The following KHDRBS2 variants were observed in gnomAD, a reference collection of about 807,000 sequenced individuals.
KHDRBS2 encodes KH domain-containing, RNA-binding, signal transduction-associated protein 2.
KHDRBS2 carries 26 observed loss-of-function variants against 44.3 expected under a neutral mutation model. The observed-to-expected ratio is 0.59, with a 90% CI of 0.43 to 0.81. KHDRBS2 has a LOEUF of 0.81. KHDRBS2 is among the 40% of genes least tolerant of loss of function. KHDRBS2 has a pLI of 0.00. For synonymous variants in KHDRBS2, 194 were observed against 151.1 expected, an observed-to-expected ratio of 1.28 and a Z score of -2.08; for missense variants, 476 against 433.1, an observed-to-expected ratio of 1.10 and a Z score of -0.88.
chr6:62,072,531 T>C (rs1048190784), intron 2 of KHDRBS2, among the ~76,000 whole-genome samples: 3 of 152,176 alleles, frequency 2.0e-5, no homozygotes, highest in African/African-American at 4.8e-5. Flanking sequence ...ACCTAATTTA[T>C]TGAGAGTTTT....
chr6:62,208,248 C>T (rs1399364709), intron 1 of KHDRBS2, among the ~76,000 whole-genome samples: 1 of 152,106 alleles, frequency 6.6e-6, no homozygotes, highest in Non-Finnish European at 1.5e-5. Flanking sequence ...CAGACAAGGT[C>T]TCCCTTTGTT....
At chr6:62,261,434 C>A (rs1321357900) in intron 1 of KHDRBS2, among the ~76,000 whole-genome samples, 4 of 151,826 alleles carry the variant, frequency 2.6e-5, no homozygotes, top group Non-Finnish European at 5.9e-5. Flanking sequence ...ATAACATGAG[C>A]CATGCATTAC....
intron 1 of KHDRBS2, among the ~76,000 whole-genome samples, chr6:62,196,684 C>G (rs1003172646): frequency 6.6e-6 from 1 of 152,106 alleles, no homozygotes; most frequent in African/African-American, 2.4e-5. Context: ...TGTTCATTCA[C>G]TAGCAATGAG....
intron 7 of KHDRBS2, among the ~76,000 whole-genome samples, chr6:61,697,610 C>G (rs754367851): frequency 6.6e-6 from 1 of 152,054 alleles, no homozygotes; most frequent in African/African-American, 2.4e-5. Flanking sequence ...TCATGTATAG[C>G]TTTTAATGCT....
intron 4 of KHDRBS2, among the ~76,000 whole-genome samples, chr6:61,932,334 A>G (rs182271268): frequency 6.6e-6 from 1 of 152,350 alleles, no homozygotes; most frequent in East Asian, 1.9e-4. Flanking sequence ...ATACATCATC[A>G]TTATAGTCAC....
At chr6:62,006,770 T>C (rs1779307910) in intron 3 of KHDRBS2, among the ~76,000 whole-genome samples, 1 of 151,908 alleles carries the variant, frequency 6.6e-6, no homozygotes, top group African/African-American at 2.4e-5. Flanking sequence ...AAATTTCCAT[T>C]AATTTAAAAG....
At chr6:62,194,501 T>C (rs1585145079) in intron 1 of KHDRBS2, among the ~76,000 whole-genome samples, 1 of 52,190 alleles carries the variant, frequency 1.9e-5, no homozygotes, top group African/African-American at 5.7e-5. Context: ...TTTTTTTTTT[T>C]TTTTTTTTTT....
chr6:61,964,030 AG>A (rs1769348582), intron 4 of KHDRBS2, among the ~76,000 whole-genome samples: 1 of 152,058 alleles, frequency 6.6e-6, no homozygotes, highest in South Asian at 2.1e-4. Context: ...GACTTTATGA[AG>A]GGTAATGTCA....
chr6:62,025,527 A>G (rs755785963), intron 3 of KHDRBS2, among the ~76,000 whole-genome samples: 3 of 151,950 alleles, frequency 2.0e-5, no homozygotes, highest in Non-Finnish European at 4.4e-5. Context: ...TATAAAGGAT[A>G]AATTTTTTTT....
chr6:61,939,875 C>A (rs1811804449), intron 4 of KHDRBS2, among the ~76,000 whole-genome samples: 1 of 152,126 alleles, frequency 6.6e-6, no homozygotes. Flanking sequence ...CAGAAGTATT[C>A]TAATACTTTT....
chr6:61,899,246 T>A (rs1303069754), intron 5 of KHDRBS2, among the ~76,000 whole-genome samples: 2 of 151,956 alleles, frequency 1.3e-5, no homozygotes, highest in African/African-American at 4.8e-5. Flanking sequence ...GTATCAGAGA[T>A]ATTTCTCTTG....
intron 6 of KHDRBS2, among the ~76,000 whole-genome samples, chr6:61,845,619 A>G (rs1294971550): frequency 1.3e-5 from 2 of 152,300 alleles, no homozygotes; most frequent in Middle Eastern, 6.8e-3. Context: ...AATGAGGGAT[A>G]CAGTTCTTCA....
intron 3 of KHDRBS2, among the ~76,000 whole-genome samples, chr6:61,996,010 A>C (rs1430631358): frequency 6.6e-6 from 1 of 152,208 alleles, no homozygotes; most frequent in Non-Finnish European, 1.5e-5. Context: ...ATCATCTAAT[A>C]ACACTGGTGA....
chr6:61,679,427 C>T (rs186597432), downstream of KHDRBS2, among the ~76,000 whole-genome samples: 1 of 151,936 alleles, frequency 6.6e-6, no homozygotes, highest in Non-Finnish European at 1.5e-5. Context: ...TTTTAACTAT[C>T]AGGAACTTAA....
At chr6:61,696,237 TTTTA>T (rs10527202) in intron 8 of KHDRBS2, among the ~76,000 whole-genome samples, 21 of 146,122 alleles carry the variant, frequency 1.4e-4, no homozygotes, top group South Asian at 8.8e-4. Flanking sequence ...CATATATGTA[TTTTA>T]TTTATTTATT....
chr6:62,018,439 C>G (rs930967548), intron 3 of KHDRBS2, among the ~76,000 whole-genome samples: 5 of 151,952 alleles, frequency 3.3e-5, no homozygotes, highest in African/African-American at 1.2e-4. Flanking sequence ...GCTCCGCCTC[C>G]CAGTTTCACG....
the KHDRBS2 span, among the ~76,000 whole-genome samples, chr6:61,590,031 G>A: frequency 1.3e-5 from 2 of 152,008 alleles, no homozygotes; most frequent in Non-Finnish European, 2.9e-5. Flanking sequence ...TATCCAAGAG[G>A]CATCTGCTGG....
At chr6:61,928,750 G>GT (rs1370587725) in intron 4 of KHDRBS2, among the ~76,000 whole-genome samples, 1 of 151,886 alleles carries the variant, frequency 6.6e-6, no homozygotes, top group East Asian at 1.9e-4. Context: ...GTTTTCTTAG[G>GT]TTTTATCATG....
the KHDRBS2 span, among the ~76,000 whole-genome samples, chr6:61,589,804 T>G: frequency 1.3e-5 from 2 of 152,224 alleles, no homozygotes; most frequent in Admixed American, 1.3e-4. Context: ...TAGTGATATT[T>G]CACTTGGAGT....
Sources: gnomAD v4.1 joint callset for allele counts (sites outside exome capture counted in the v4.1 genomes callset) on GRCh38, gnomAD v4.1.1 for gene constraint, MANE v1.5 for transcripts, NCBI Gene and HGNC (gene_info 2026-07-23, HGNC 2026-07-21) for gene names.